The following ARHGAP23 variants were observed in gnomAD, a reference collection of about 807,000 sequenced individuals.
The protein encoded by ARHGAP23 is Rho GTPase activating protein 23.
In ARHGAP23, 34 loss-of-function variants were observed where a neutral mutation model predicts 136.3. That is an observed-to-expected ratio of 0.25 (90% CI 0.19 to 0.33). The LOEUF is 0.33. Among genes scored for constraint, ARHGAP23 ranks in the 10% least tolerant of loss-of-function variants. ARHGAP23 has a pLI of 1.00. For missense variants in ARHGAP23, 1,808 were observed against 2,139.0 expected, an observed-to-expected ratio of 0.85 and a Z score of 3.05; for synonymous variants, 832 against 920.5, an observed-to-expected ratio of 0.90 and a Z score of 1.74.
In ARHGAP23 at chr17:38,469,839, C is replaced by T; in HGVS notation, c.1917-8C>T. On this transcript the variant is annotated splice_polypyrimidine_tract_variant and splice_region_variant and intron_variant, in intron 9 of 23. Coordinates refer to ENST00000622683, the MANE Select transcript of ARHGAP23 (RefSeq NM_001199417.2). ...CCACATCCCTCACCCTCGACCCTCG[C>T]TTTCCAGGCGCCTGCCAAACCGCAT... is the stretch of plus-strand genomic sequence containing the variant. 6.4e-7 allele frequency: 1 copy of T among 1,551,670 alleles called. No individual in the cohort carries two copies. The highest frequency in any genetic ancestry group is 8.7e-7 in the Non-Finnish European group (1 of 1,146,960).
intron 1 of ARHGAP23, among the ~76,000 whole-genome samples, chr17:38,444,915 TC>T (rs1355059149): frequency 2.0e-5 from 3 of 151,772 alleles, no homozygotes; most frequent in Non-Finnish European, 4.4e-5. Flanking sequence ...CCTCCTGGGT[TC>T]AAGCAATTCT....
At chr17:38,494,256 A>T (rs977224110) in intron 20 of ARHGAP23, among the ~76,000 whole-genome samples, 4 of 152,186 alleles carry the variant, frequency 2.6e-5, no homozygotes, top group African/African-American at 9.7e-5. Context: ...CAGAGATGAC[A>T]ATACTGTTTA....
intron 12 of ARHGAP23, 106 bp downstream of exon 12, chr17:38,478,002 A>C (rs2039938673): frequency 5.7e-6 from 7 of 1,229,466 alleles, no homozygotes; most frequent in African/African-American, 1.5e-5. Flanking sequence ...TCTGCTAGAA[A>C]GGGGGGCTGA....
At chr17:38,499,825 G>A (rs1040654455) in intron 22 of ARHGAP23, among the ~76,000 whole-genome samples, 25 of 152,142 alleles carry the variant, frequency 1.6e-4, no homozygotes, top group African/African-American at 4.6e-4. Flanking sequence ...GAGGCCCTTG[G>A]ACCAACCTGC....
intron 1 of ARHGAP23, among the ~76,000 whole-genome samples, chr17:38,449,856 A>T (rs2039120058): frequency 6.6e-6 from 1 of 152,168 alleles, no homozygotes; most frequent in African/African-American, 2.4e-5. Context: ...AGGAAGGAAA[A>T]GCAGGCAGAA....
At chr17:38,443,479 C>T (rs968530741) in intron 1 of ARHGAP23, among the ~76,000 whole-genome samples, 1 of 152,160 alleles carries the variant, frequency 6.6e-6, no homozygotes, top group African/African-American at 2.4e-5. Flanking sequence ...TGCCATCTGT[C>T]TTCTTCTGAC....
rs188013216 is a variant in ARHGAP23, at chr17:38,504,938, G to A, written c.3447+4310G>A. On this transcript the variant is annotated intron_variant, in intron 23 of 23. Transcript: ENST00000622683. ...GCAGTCTCTCAGCTCCGTGGTGGGTGGAGTGGAGCTGTTCATTACTCAGAA... is the reference window on the plus strand; with the variant it reads ...GCAGTCTCTCAGCTCCGTGGTGGGTAGAGTGGAGCTGTTCATTACTCAGAA... Among the ~76,000 whole-genome samples, 81 of 146,666 alleles carry A rather than the reference G, an allele frequency of 5.5e-4. 1 individual carries two copies. The Middle Eastern group carries it at 0.011, about 20-fold the overall frequency.
At chr17:38,448,324 T>C (rs1338944668) in intron 1 of ARHGAP23, among the ~76,000 whole-genome samples, 1 of 152,138 alleles carries the variant, frequency 6.6e-6, no homozygotes, top group Non-Finnish European at 1.5e-5. Flanking sequence ...TGTCTGCATG[T>C]CTGAATGTCA....
Position 38,511,062 on chromosome 17 carries a change from G to C in ARHGAP23, c.*90G>C. ...CACCAGCCTGCACCTCCTCTTCTGT[G>C]GCCCCTGGGTGCATGGTGTGGGTGG... is the stretch of plus-strand genomic sequence containing the variant. On this transcript the variant is annotated 3_prime_UTR_variant, in exon 24 of 24. Coordinates refer to ENST00000622683, the MANE Select transcript of ARHGAP23 (RefSeq NM_001199417.2). 3.1e-6 allele frequency: 4 copies of C among 1,293,926 alleles called. No individual in the cohort carries two copies. Among genetic ancestry groups the C allele is most frequent in the Non-Finnish European group, 4.0e-6 (4 of 1,003,286 alleles). The allele number at this position is 1,293,926 out of a possible 1,614,324, so 80.2% of individuals were successfully genotyped here.
At chr17:38,495,767 A>C (rs1029228492) in intron 20 of ARHGAP23, among the ~76,000 whole-genome samples, 5 of 152,136 alleles carry the variant, frequency 3.3e-5, no homozygotes, top group Admixed American at 3.3e-4. Context: ...ACTTATTGTA[A>C]ATGCATGGCT....
At chr17:38,461,311 C>T (rs564778106) in intron 3 of ARHGAP23, among the ~76,000 whole-genome samples, 13 of 152,312 alleles carry the variant, frequency 8.5e-5, no homozygotes, top group African/African-American at 2.6e-4. Flanking sequence ...GTGGTGGGAG[C>T]GCTGAGCAAA....
intron 23 of ARHGAP23, 119 bp from the exon 24 acceptor site, chr17:38,509,825 G>A: frequency 1.3e-6 from 1 of 775,510 alleles, no homozygotes; most frequent in Non-Finnish European, 1.8e-6. Flanking sequence ...CGTGGGTGCT[G>A]GCCTTGGCTG....
At chr17:38,464,478 C>T (rs2039536206) in intron 6 of ARHGAP23, among the ~76,000 whole-genome samples, 1 of 152,248 alleles carries the variant, frequency 6.6e-6, no homozygotes. Context: ...GCCTTGGACG[C>T]ACTCTCCTAA....
chr17:38,506,122 A>G (rs1294484969), intron 23 of ARHGAP23, among the ~76,000 whole-genome samples: 1 of 152,182 alleles, frequency 6.6e-6, no homozygotes, highest in African/African-American at 2.4e-5. Flanking sequence ...GCTGTCAATA[A>G]TGCCTTTGGT....
chr17:38,448,360 A>C (rs1437583313), intron 1 of ARHGAP23, among the ~76,000 whole-genome samples: 1 of 152,186 alleles, frequency 6.6e-6, no homozygotes, highest in Non-Finnish European at 1.5e-5. Context: ...CTATCCAAAA[A>C]GCCGTCGAAA....
chr17:38,504,978 C>CTTTTTTTTTTTTTTTT lies in ARHGAP23; in HGVS notation c.3447+4380_3447+4395dup, dbSNP rs71138627. Among the ~76,000 whole-genome samples, 10 of 43,168 alleles carry CTTTTTTTTTTTTTTTT rather than the reference C, an allele frequency of 2.3e-4. 3 individuals carry two copies. Among genetic ancestry groups the CTTTTTTTTTTTTTTTT allele is most frequent in the Non-Finnish European group, 4.4e-4 (9 of 20,290 alleles). 28.3% of individuals were successfully genotyped at this position (43,168 alleles called of 152,430 possible). ...ATTACTCAGAAGCCTCCCTTATCATCTTTTTTTTTTTTTTTTTTTTTTTTT... is the reference window on the plus strand; with the variant it reads ...ATTACTCAGAAGCCTCCCTTATCATCTTTTTTTTTTTTTTTTTTTTTTTTTTTTTTTTTTTTTTTTT... On this transcript the variant is annotated intron_variant, in intron 23 of 23. Coordinates refer to ENST00000622683, the MANE Select transcript of ARHGAP23 (RefSeq NM_001199417.2).
In ARHGAP23 at chr17:38,469,036, T is replaced by C. The variant is rs1218056617; in HGVS notation, c.1649-108T>C. 6 of 1,180,234 alleles carry C rather than the reference T, an allele frequency of 5.1e-6. No homozygotes were observed. In the East Asian group the frequency reaches 1.6e-4, roughly 31 times the overall value. 73.1% of individuals were successfully genotyped at this position (1,180,234 alleles called of 1,614,324 possible). A position where few individuals can be genotyped will look rare whatever the true frequency, so the allele number is the denominator to read the frequency against. On this transcript the variant is annotated intron_variant, in intron 7 of 23. Transcript: ENST00000622683. ...ATGTTGCCAGCAGGACCCTTTGGGA[T>C]GTGTCTGAGCCTGGAGGCGAGTGGC...
intron 23 of ARHGAP23, among the ~76,000 whole-genome samples, chr17:38,501,553 GGCCTCC>G (rs143567291): frequency 0.2 from 29,766 of 151,826 alleles, 3,142 homozygotes; most frequent in East Asian, 0.44. Context: ...CGTCCCCCTT[GGCCTCC>G]GAAAGTGCTG....
In ARHGAP23 at chr17:38,491,448, G is replaced by A; in HGVS notation, c.3192G>A (p.Leu1064=). 1 of 1,549,690 alleles carries A rather than the reference G, an allele frequency of 6.5e-7. No individual in the cohort carries two copies. Among genetic ancestry groups the A allele is most frequent in the Non-Finnish European group, 8.7e-7 (1 of 1,146,848 alleles). Residue 1064 remains leucine, a synonymous_variant, in exon 20 of 24, where the codon CTG becomes CTA. Transcript: ENST00000622683. The part of the protein sequence containing the change: ...RNLALVFGPT[L]VRTSEDNMTD... ...TGGCCCTGGTCTTTGGGCCGACACT[G>A]GTGAGGACGTCTGAGGACAACATGA... is the stretch of plus-strand genomic sequence containing the variant.
Sources: allele counts gnomAD v4.1 joint callset (sites outside exome capture counted in the v4.1 genomes callset), GRCh38; gene constraint gnomAD v4.1.1; transcripts MANE v1.5; gene names NCBI Gene and HGNC (gene_info 2026-07-23, HGNC 2026-07-21).